The following TTLL11 variants were observed in gnomAD, a reference collection of about 807,000 sequenced individuals.
TTLL11 encodes the protein tubulin tyrosine ligase like 11, also known as tubulin polyglutamylase TTLL11.
In TTLL11, 42 loss-of-function variants were observed where a neutral mutation model predicts 51.7. The observed-to-expected ratio is 0.81, with a 90% confidence interval of 0.64 to 1.05. TTLL11 has a LOEUF of 1.05. Among genes scored for constraint, TTLL11 ranks in the 50% least tolerant of loss-of-function variants. TTLL11 has a pLI of 0.00. For missense variants in TTLL11, 799 were observed against 940.4 expected (o/e 0.85, Z 1.97); for synonymous variants, 381 against 383.5 (o/e 0.99, Z 0.08).
At chr9:121,958,847 C>A (rs1222462311) in intron 6 of TTLL11, among the ~76,000 whole-genome samples, 4 of 152,132 alleles carry the variant, frequency 2.6e-5, no homozygotes, top group Non-Finnish European at 5.9e-5. Flanking sequence ...GAGATGGGGG[C>A]TGTAATGACA....
intron 6 of TTLL11, among the ~76,000 whole-genome samples, chr9:121,946,176 C>T (rs954448569): frequency 2.6e-5 from 4 of 152,186 alleles, no homozygotes; most frequent in Non-Finnish European, 4.4e-5. Context: ...ACAGGAACTA[C>T]TGTGCCAGAG....
intron 1 of TTLL11, among the ~76,000 whole-genome samples, chr9:122,060,445 C>G (rs1182578820): frequency 6.6e-6 from 1 of 152,174 alleles, no homozygotes; most frequent in Non-Finnish European, 1.5e-5. Context: ...AGTTACATAG[C>G]CTGCTCCCTG....
At chr9:121,844,154 A>G (rs1466905721) in intron 8 of TTLL11, among the ~76,000 whole-genome samples, 1 of 152,176 alleles carries the variant, frequency 6.6e-6, no homozygotes, top group African/African-American at 2.4e-5. Context: ...CAAGATTGTA[A>G]AATGTTTCTC....
At chr9:122,009,411 A>G (rs1191269361) in intron 3 of TTLL11, among the ~76,000 whole-genome samples, 1 of 152,024 alleles carries the variant, frequency 6.6e-6, no homozygotes, top group Non-Finnish European at 1.5e-5. Context: ...AATTTTTAAT[A>G]TCTACTCACT....
At chr9:121,883,124 T>C (rs1838861296) in intron 6 of TTLL11, among the ~76,000 whole-genome samples, 1 of 152,202 alleles carries the variant, frequency 6.6e-6, no homozygotes, top group Non-Finnish European at 1.5e-5. Context: ...TATGGGTCTA[T>C]AAACCCATCT....
intron 8 of TTLL11, among the ~76,000 whole-genome samples, chr9:121,858,584 C>A (rs1157261922): frequency 6.6e-6 from 1 of 152,216 alleles, no homozygotes; most frequent in African/African-American, 2.4e-5. Context: ...GGACCGGCTG[C>A]ATCTCTGTAG....
chr9:122,003,884 G>A (rs567474121), intron 3 of TTLL11, among the ~76,000 whole-genome samples: 10 of 150,998 alleles, frequency 6.6e-5, no homozygotes, highest in African/African-American at 2.2e-4. Context: ...TTGGGAGGCC[G>A]AGGTGGGTGG....
intron 6 of TTLL11, among the ~76,000 whole-genome samples, chr9:121,938,844 G>A (rs1841336630): frequency 6.6e-6 from 1 of 152,224 alleles, no homozygotes; most frequent in African/African-American, 2.4e-5. Flanking sequence ...CATATAAACT[G>A]GTGGGAGTGT....
At chr9:122,070,160 G>A (rs1845692915) in intron 1 of TTLL11, among the ~76,000 whole-genome samples, 1 of 152,184 alleles carries the variant, frequency 6.6e-6, no homozygotes, top group Non-Finnish European at 1.5e-5. Flanking sequence ...GACAAGACAG[G>A]AAGAAGTGGC....
rs371154636 is a variant in TTLL11, at chr9:121,820,343, G to A, written c.*2244C>T. 3.9e-5 allele frequency among the ~76,000 whole-genome samples: 6 copies of A among 152,302 alleles called. No individual in the cohort carries two copies. Among genetic ancestry groups the A allele is most frequent in the African/African-American group, 1.4e-4 (6 of 41,558 alleles). On this transcript the variant is annotated 3_prime_UTR_variant, in exon 9 of 9. Coordinates refer to ENST00000321582, the MANE Select transcript of TTLL11 (RefSeq NM_001139442.2). ...TGAGAGCTTTGTTAAGACTTCTGGT[G>A]GCTCCCAGCTGATGACAAGTGTGCC...
intron 6 of TTLL11, among the ~76,000 whole-genome samples, chr9:121,931,131 C>T (rs1349451621): frequency 6.6e-6 from 1 of 152,244 alleles, no homozygotes; most frequent in Non-Finnish European, 1.5e-5. Flanking sequence ...CCAGCTATCT[C>T]CCTGCTCCAC....
At chr9:122,016,911 G>A (rs1355986422) in intron 3 of TTLL11, among the ~76,000 whole-genome samples, 2 of 152,118 alleles carry the variant, frequency 1.3e-5, no homozygotes, top group Non-Finnish European at 2.9e-5. Context: ...TTGGCCATCT[G>A]CTAAAATTGG....
intron 7 of TTLL11, among the ~76,000 whole-genome samples, chr9:121,866,678 GA>G (rs1306144625): frequency 6.8e-6 from 1 of 147,898 alleles, no homozygotes; most frequent in Non-Finnish European, 1.5e-5. Flanking sequence ...AAAAAAGAAA[GA>G]AAAGAAAAGA....
chr9:121,936,534 AC>A (rs1841229048), intron 6 of TTLL11, among the ~76,000 whole-genome samples: 1 of 152,042 alleles, frequency 6.6e-6, no homozygotes, highest in Admixed American at 6.6e-5. Context: ...AAAGCCCCCC[AC>A]CAGCTCCAGT....
intron 8 of TTLL11, among the ~76,000 whole-genome samples, chr9:121,836,530 C>T (rs1283535818): frequency 6.6e-6 from 1 of 152,188 alleles, no homozygotes; most frequent in African/African-American, 2.4e-5. Flanking sequence ...CCCCGACACC[C>T]CAGTTTAACA....
At chr9:121,860,504 C>A in intron 7 of TTLL11, 61 bp from the exon 8 acceptor site, 3 of 1,342,710 alleles carry the variant, frequency 2.2e-6, no homozygotes, top group Non-Finnish European at 3.1e-6. Context: ...TCTATCTCTC[C>A]TCCACTCCTG....
intron 6 of TTLL11, among the ~76,000 whole-genome samples, chr9:121,897,079 A>C (rs1391035470): frequency 6.6e-6 from 1 of 152,264 alleles, no homozygotes; most frequent in Admixed American, 6.5e-5. Flanking sequence ...ATGACTAAGA[A>C]TGTCAGCCAG....
chr9:121,826,603 G>T (rs67775116), intron 8 of TTLL11, among the ~76,000 whole-genome samples: 39,666 of 126,120 alleles, frequency 0.31, 7,239 homozygotes, highest in East Asian at 0.48. Flanking sequence ...TTATACCAGG[G>T]TTACTTTTGG....
chr9:121,994,132 C>T (rs1252588612), intron 3 of TTLL11, among the ~76,000 whole-genome samples: 2 of 152,162 alleles, frequency 1.3e-5, no homozygotes, highest in Middle Eastern at 3.4e-3. Flanking sequence ...TCACCTAGGG[C>T]CAGATGGAAA....
Sources: allele counts gnomAD v4.1 joint callset (sites outside exome capture counted in the v4.1 genomes callset), GRCh38; gene constraint gnomAD v4.1.1; transcripts MANE v1.5; gene names NCBI Gene and HGNC (gene_info 2026-07-23, HGNC 2026-07-21).